The following PALS1 variants were observed in gnomAD, a reference collection of about 807,000 sequenced individuals.
PALS1 encodes the protein protein PALS1.
A neutral mutation model predicts 78.9 loss-of-function variants in PALS1; 31 were observed. That is an observed-to-expected ratio of 0.39 (90% CI 0.30 to 0.53). The LOEUF is 0.53. Among genes scored for constraint, PALS1 ranks in the 20% least tolerant of loss-of-function variants. PALS1 has a pLI of 0.67. For synonymous variants in PALS1, 276 were observed against 270.9 expected (o/e 1.02, Z -0.18); for missense variants, 704 against 826.5 (o/e 0.85, Z 1.82).
chr14:67,280,598 G>T (rs747016368), intron 3 of PALS1, among the ~76,000 whole-genome samples: 1 of 152,138 alleles, frequency 6.6e-6, no homozygotes, highest in Non-Finnish European at 1.5e-5. Context: ...AGCCAAGTTT[G>T]AATTTGCCAG....
rs1312434109 is a variant in PALS1 at position 67,279,511 on chromosome 14, G to C, written c.341G>C (p.Ser114Thr). Reference protein sequence around the residue: ...FDTEEGIVLESPHYAVKILEI... With the variant: ...FDTEEGIVLETPHYAVKILEI... ...ACAGAGGAAGGAATTGTCTTAGAAAGTCCTCATTATGCTGTGAAAATATTA... is the reference window on the plus strand; with the variant it reads ...ACAGAGGAAGGAATTGTCTTAGAAACTCCTCATTATGCTGTGAAAATATTA... Residue 114 changes from serine to threonine, a missense_variant, in exon 3 of 15, where the codon AGT becomes ACT. Physicochemically the swap from Ser to Thr is moderately conservative, Grantham distance 58 (BLOSUM62 1). Coordinates refer to ENST00000261681, the MANE Select transcript of PALS1 (RefSeq NM_022474.4). 1 of 1,556,564 alleles carries C rather than the reference G, an allele frequency of 6.4e-7. No individual in the cohort carries two copies. Among genetic ancestry groups the C allele is most frequent in the African/African-American group, 1.4e-5 (1 of 72,738 alleles).
At chr14:67,246,702 G>A (rs1239235827) in intron 1 of PALS1, among the ~76,000 whole-genome samples, 1 of 144,610 alleles carries the variant, frequency 6.9e-6, no homozygotes, top group East Asian at 2.1e-4. Context: ...CCAGGCTGGA[G>A]TGCAGTGGCA....
intron 4 of PALS1, among the ~76,000 whole-genome samples, chr14:67,296,994 A>C (rs1481624680): frequency 6.6e-6 from 1 of 152,260 alleles, no homozygotes; most frequent in Non-Finnish European, 1.5e-5. Context: ...ATCTGAAAAA[A>C]ATTCAGTACT....
Position 67,317,485 on chromosome 14 carries a change from T to C in PALS1, c.1369+6T>C, listed in dbSNP as rs1380403167. The stretch of plus-strand genomic sequence containing the variant: ...TAATGCCAATAAAAATGATGGTAAG[T>C]TCTACTCTCAGGGATAGGTGGAATT... On this transcript the variant is annotated splice_donor_region_variant and intron_variant, in intron 11 of 14. Transcript: ENST00000261681. The C allele has an allele frequency of 6.3e-7, 1 of 1,590,228 alleles. No individual in the cohort carries two copies. Among genetic ancestry groups the C allele is most frequent in the South Asian group, 1.1e-5 (1 of 89,908 alleles).
intron 4 of PALS1, among the ~76,000 whole-genome samples, chr14:67,292,976 A>C (rs2140827443): frequency 6.6e-6 from 1 of 152,298 alleles, no homozygotes; most frequent in South Asian, 2.1e-4. Context: ...AGTAACAAAT[A>C]TTTGAATTAC....
intron 14 of PALS1, among the ~76,000 whole-genome samples, chr14:67,331,319 A>G (rs1186581846): frequency 6.6e-6 from 1 of 152,216 alleles, no homozygotes; most frequent in Non-Finnish European, 1.5e-5. Flanking sequence ...TGCTGAGATT[A>G]CAGGCGGGGG....
chr14:67,325,101 T>C lies in PALS1; in HGVS notation c.1851+1289T>C, dbSNP rs1177305289. 3.9e-5 allele frequency among the ~76,000 whole-genome samples: 6 copies of C among 151,960 alleles called. No homozygotes were observed. The South Asian group carries it at 1.2e-3, about 32-fold the overall frequency. On this transcript the variant is annotated intron_variant, in intron 14 of 14. Transcript: ENST00000261681. ...TTTGTATTTTTAGTAGAGACAGGAT[T>C]TCACCATGTTAGCCAGGATGGTCTT...
At chr14:67,277,572 A>G (rs886745185) in intron 2 of PALS1, among the ~76,000 whole-genome samples, 4 of 152,056 alleles carry the variant, frequency 2.6e-5, no homozygotes, top group African/African-American at 9.6e-5. Flanking sequence ...TAGTAGGTTT[A>G]TTACTGTAAA....
At chr14:67,256,635 C>T (rs950204668) in intron 1 of PALS1, among the ~76,000 whole-genome samples, 20 of 152,028 alleles carry the variant, frequency 1.3e-4, no homozygotes, top group Admixed American at 1.2e-3. Context: ...GCAACCTTAG[C>T]CTCCCAGATT....
intron 1 of PALS1, among the ~76,000 whole-genome samples, chr14:67,254,027 C>G (rs181240792): frequency 8.0e-6 from 1 of 124,346 alleles, no homozygotes; most frequent in East Asian, 2.8e-4. Context: ...TATATTCATC[C>G]CCCCCCCCTT....
intron 9 of PALS1, among the ~76,000 whole-genome samples, chr14:67,313,854 G>A (rs1419599698): frequency 1.3e-5 from 2 of 150,730 alleles, no homozygotes; most frequent in South Asian, 4.2e-4. Context: ...TACTGTATAT[G>A]CTCAGTTTAT....
intron 3 of PALS1, among the ~76,000 whole-genome samples, chr14:67,283,238 G>A (rs1037262584): frequency 6.6e-6 from 1 of 152,124 alleles, no homozygotes; most frequent in Non-Finnish European, 1.5e-5. Context: ...TTAATAGCAT[G>A]TTTCAGTCTT....
At chr14:67,259,231 T>C (rs752534675) in intron 1 of PALS1, among the ~76,000 whole-genome samples, 3 of 152,076 alleles carry the variant, frequency 2.0e-5, no homozygotes, top group Admixed American at 6.5e-5. Flanking sequence ...TTTCTATACA[T>C]GTATACCCTG....
chr14:67,259,170 T>G lies in PALS1; in HGVS notation c.-236-10531T>G, dbSNP rs1436125261. 2.0e-5 allele frequency among the ~76,000 whole-genome samples: 3 copies of G among 152,002 alleles called. No individual in the cohort carries two copies. In the East Asian group the frequency reaches 5.8e-4, roughly 30 times the overall value. ...TTTTAACTTTTAACATTGTCATAAATGGTACCCTGAATGTTCTATGTATGT... is the reference window on the plus strand; with the variant it reads ...TTTTAACTTTTAACATTGTCATAAAGGGTACCCTGAATGTTCTATGTATGT... On this transcript the variant is annotated intron_variant, in intron 1 of 14. Transcript: ENST00000261681.
intron 2 of PALS1, chr14:67,270,611 G>C (rs1488312090): frequency 6.7e-6 from 1 of 149,924 alleles, no homozygotes; most frequent in East Asian, 1.9e-4. Flanking sequence ...TTTAAAGAGA[G>C]GGAGAGTGCA....
rs1049094710 is a variant in PALS1, at chr14:67,323,738, T to C, written c.1777T>C (p.Tyr593His). 1 of 1,601,718 alleles carries C rather than the reference T, an allele frequency of 6.2e-7. No homozygotes were observed. Among genetic ancestry groups the C allele is most frequent in the Admixed American group, 1.8e-5 (1 of 56,976 alleles). ...TCTCCGGAATTCAGATTTGAAACCATATATTATCTTCATTGCACCCCCTTC... is the reference window on the plus strand; with the variant it reads ...TCTCCGGAATTCAGATTTGAAACCACATATTATCTTCATTGCACCCCCTTC... The part of the protein sequence containing the change: ...KTLRNSDLKP[Y>H]IIFIAPPSQE... The change falls in exon 14 of 15, where the codon TAT becomes CAT. Residue 593 changes from tyrosine (Y) to histidine (H), a missense_variant. Transcript: ENST00000261681.
chr14:67,266,972 G>T (rs1340090720), intron 1 of PALS1, among the ~76,000 whole-genome samples: 5 of 151,778 alleles, frequency 3.3e-5, no homozygotes, highest in Non-Finnish European at 7.4e-5. Flanking sequence ...AGCCAGGCGT[G>T]GTGGCCCATT....
At chr14:67,303,465 C>G in intron 7 of PALS1, 57 bp from the exon 8 acceptor site, 1 of 1,347,926 alleles carries the variant, frequency 7.4e-7, no homozygotes, top group Non-Finnish European at 1.1e-6. Context: ...ATCATAAAAT[C>G]ATGGAATGAT....
At chr14:67,263,094 T>C (rs150883574) in intron 1 of PALS1, among the ~76,000 whole-genome samples, 5 of 152,356 alleles carry the variant, frequency 3.3e-5, no homozygotes, top group African/African-American at 4.8e-5. Context: ...GTTTCTGCCA[T>C]GAGCGTGTGG....
Sources: gnomAD v4.1 joint callset for allele counts (sites outside exome capture counted in the v4.1 genomes callset) on GRCh38, gnomAD v4.1.1 for gene constraint, MANE v1.5 for transcripts, NCBI Gene and HGNC (gene_info 2026-07-23, HGNC 2026-07-21) for gene names.